Variants in PDAP1 observed in about 807,000 individuals in gnomAD.
The protein encoded by PDAP1 is PDGFA associated protein 1, also known as 28 kDa heat- and acid-stable phosphoprotein.
A neutral mutation model predicts 28.0 loss-of-function variants in PDAP1; 13 were observed. The observed-to-expected ratio is 0.46, with a 90% CI of 0.30 to 0.74. The LOEUF (loss-of-function observed/expected upper bound fraction) is 0.74, where lower values mean the gene tolerates loss of function less well. Among genes scored for constraint, PDAP1 ranks in the 30% least tolerant of loss-of-function variants. The pLI, the probability that PDAP1 is intolerant of heterozygous loss-of-function variation, is 0.07. For synonymous variants in PDAP1, 77 were observed against 85.1 expected (o/e 0.91, Z 0.52); for missense variants, 150 against 230.0 (o/e 0.65, Z 2.25).
At chr7:99,406,255 T>TA (rs1401762540) in intron 1 of PDAP1, among the ~76,000 whole-genome samples, 2 of 151,526 alleles carry the variant, frequency 1.3e-5, no homozygotes, top group African/African-American at 2.4e-5. Context: ...CTCAAAAAAA[T>TA]AAAAAAATCG....
At chr7:99,404,377 A>C (rs1268687040) in intron 2 of PDAP1, among the ~76,000 whole-genome samples, 2 of 152,146 alleles carry the variant, frequency 1.3e-5, no homozygotes, top group Non-Finnish European at 2.9e-5. Flanking sequence ...CTACTAAATC[A>C]GCTCTGGCTG....
Position 99,397,890 on chromosome 7 carries a change from A to T in PDAP1, c.459T>A (p.Ala153=). The T allele has an allele frequency of 1.2e-6, 2 of 1,613,420 alleles. No homozygotes were observed. Among genetic ancestry groups the T allele is most frequent in the African/African-American group, 1.3e-5 (1 of 75,032 alleles). The stretch of plus-strand genomic sequence containing the variant: ...TCCTTTCCTCTTCCTTCTTCCGGGC[A>T]GCCTCCTCCCGCTGTTTCCGGATGA... ...LAIIRKQREE[A]ARKKEEERKA... The change falls in exon 5 of 6, where the codon GCT becomes GCA. Residue 153 remains alanine (A), a synonymous_variant. Transcript: ENST00000350498.
chr7:99,397,772 C>T, intron 5 of PDAP1, 90 bp downstream of exon 5: 1 of 1,502,174 alleles, frequency 6.7e-7, no homozygotes, highest in Non-Finnish European at 9.1e-7. Flanking sequence ...CTCATTGTCA[C>T]CTCGCGGACA....
intron 2 of PDAP1, 71 bp from the exon 3 acceptor site, chr7:99,403,576 C>T: frequency 6.2e-6 from 6 of 962,120 alleles, no homozygotes; most frequent in Non-Finnish European, 1.0e-5. Context: ...ACCCTATCAC[C>T]CCCCAGACTG....
intron 1 of PDAP1, among the ~76,000 whole-genome samples, chr7:99,406,188 G>A (rs1794967372): frequency 6.6e-6 from 1 of 152,210 alleles, no homozygotes; most frequent in South Asian, 2.1e-4. Context: ...GGCAGAGGTT[G>A]CAGTAGCCGA....
rs148175276 is a variant in PDAP1 at position 99,400,389 on chromosome 7, G to A, written c.249C>T (p.Ile83=). 1.5e-4 allele frequency: 242 copies of A among 1,613,978 alleles called. No homozygotes were observed. The highest frequency in any genetic ancestry group is 2.7e-4 in the Admixed American group (16 of 59,996). The change falls in exon 4 of 6, where the codon ATC becomes ATT. Residue 83 remains isoleucine (I), a synonymous_variant. Coordinates refer to ENST00000350498, the MANE Select transcript of PDAP1 (RefSeq NM_014891.7). Reference sequence around the variant, plus strand: ...TCTGTGCCACCCGGTTGGGGTTCTCGATGTCGATGAGCCCTTCAACGCCTT... The same window carrying A: ...TCTGTGCCACCCGGTTGGGGTTCTCAATGTCGATGAGCCCTTCAACGCCTT... The part of the protein sequence containing the change: ...KRKGVEGLID[I]ENPNRVAQTT...
chr7:99,397,960 G>A lies in PDAP1; in HGVS notation c.389C>T (p.Ala130Val). 1.9e-6 allele frequency: 3 copies of A among 1,614,186 alleles called. No homozygotes were observed. The highest frequency in any genetic ancestry group is 2.5e-6 in the Non-Finnish European group (3 of 1,179,990). Residue 130 changes from alanine to valine, a missense_variant, in exon 5 of 6, where the codon GCC becomes GTC. Coordinates refer to ENST00000350498, the MANE Select transcript of PDAP1 (RefSeq NM_014891.7). ...AKERYMKMHL[A>V]GKTEQAKADL... Reference sequence around the variant, plus strand: ...AGCCTTGGCTTGCTCTGTCTTCCCGGCCAAGTGCATTTTCATGTAACGCTC... The same window carrying A: ...AGCCTTGGCTTGCTCTGTCTTCCCGACCAAGTGCATTTTCATGTAACGCTC...
chr7:99,404,340 T>C (rs967620951), intron 2 of PDAP1, among the ~76,000 whole-genome samples: 4 of 151,834 alleles, frequency 2.6e-5, no homozygotes, highest in African/African-American at 7.3e-5. Context: ...GCCTGGACAA[T>C]GTACTATGGG....
chr7:99,406,885 G>A (rs984287736), intron 1 of PDAP1, among the ~76,000 whole-genome samples: 2 of 152,252 alleles, frequency 1.3e-5, no homozygotes, highest in East Asian at 1.9e-4. Context: ...AGGTTCCCAG[G>A]GGTGTCTAAG....
intron 2 of PDAP1, 139 bp from the exon 3 acceptor site, chr7:99,403,644 C>T (rs1426659205): frequency 4.2e-6 from 3 of 714,376 alleles, no homozygotes; most frequent in African/African-American, 3.5e-5. Flanking sequence ...AAGGGTCCTA[C>T]TGTGACCCTG....
rs761238316 is a variant in PDAP1 at position 99,397,885 on chromosome 7, C to T, written c.464G>A (p.Arg155Gln). 1.4e-5 allele frequency: 23 copies of T among 1,613,144 alleles called. No individual in the cohort carries two copies. The highest frequency in any genetic ancestry group is 2.2e-5 in the South Asian group (2 of 91,046). ...IIRKQREEAA[R>Q]KKEEERKAKD... Reference sequence around the variant, plus strand: ...ACCTTTCCTTTCCTCTTCCTTCTTCCGGGCAGCCTCCTCCCGCTGTTTCCG... The same window carrying T: ...ACCTTTCCTTTCCTCTTCCTTCTTCTGGGCAGCCTCCTCCCGCTGTTTCCG... Residue 155 changes from arginine (R) to glutamine (Q), a missense_variant, in exon 5 of 6, where the codon CGG becomes CAG. Coordinates refer to ENST00000350498, the MANE Select transcript of PDAP1 (RefSeq NM_014891.7).
At chr7:99,398,133 C>T in intron 4 of PDAP1, 120 bp from the exon 5 acceptor site, 1 of 1,049,402 alleles carries the variant, frequency 9.5e-7, no homozygotes, top group Non-Finnish European at 1.4e-6. Flanking sequence ...GGTGCCCTGG[C>T]TGTGAGTCCC....
At chr7:99,396,930 C>T (rs1357798939) in intron 5 of PDAP1, among the ~76,000 whole-genome samples, 190 bp from the exon 6 acceptor site, 3 of 152,154 alleles carry the variant, frequency 2.0e-5, no homozygotes, top group African/African-American at 7.2e-5. Flanking sequence ...ATTCCCGACA[C>T]GCTTCAGTGG....
intron 5 of PDAP1, among the ~76,000 whole-genome samples, chr7:99,397,314 C>T (rs1794786936): frequency 6.6e-6 from 1 of 152,134 alleles, no homozygotes; most frequent in African/African-American, 2.4e-5. Context: ...TTGAATGCTC[C>T]TATAAACTGG....
chr7:99,398,778 G>A (rs1316399671), intron 4 of PDAP1, among the ~76,000 whole-genome samples: 1 of 152,180 alleles, frequency 6.6e-6, no homozygotes, highest in Non-Finnish European at 1.5e-5. Context: ...GACCACAGTG[G>A]GAAACAGACA....
chr7:99,400,179 G>A lies in PDAP1; in HGVS notation c.335+124C>T, dbSNP rs1794838430. On this transcript the variant is annotated intron_variant, in intron 4 of 5. Coordinates refer to ENST00000350498, the MANE Select transcript of PDAP1 (RefSeq NM_014891.7). ...TGTGGCTTTTTAAAGGCTACTGGAG[G>A]GCCATTGGGGAATGAGACAGAAATA... 3.0e-6 allele frequency: 3 copies of A among 1,015,822 alleles called. No individual in the cohort carries two copies. The South Asian group carries it at 4.6e-5, about 16-fold the overall frequency. The allele number at this position is 1,015,822 out of a possible 1,614,324, so 62.9% of individuals were successfully genotyped here. A position where few individuals can be genotyped will look rare whatever the true frequency, so the allele number is the denominator to read the frequency against.
rs1794717695 is a variant in PDAP1, at chr7:99,394,890, C to T, written c.*1792G>A. 1 of 1,086,734 alleles carries T rather than the reference C, an allele frequency of 9.2e-7. No homozygotes were observed. Among genetic ancestry groups the T allele is most frequent in the African/African-American group, 1.6e-5 (1 of 61,014 alleles). 67.3% of individuals were successfully genotyped at this position (1,086,734 alleles called of 1,614,324 possible). A position where few individuals can be genotyped will look rare whatever the true frequency, so the allele number is the denominator to read the frequency against. ...CTAAGTTTTCCAGGCTGCACTAGAA[C>T]TCGTGGGAGCAATCCTTCTGCCTCA... On this transcript the variant is annotated 3_prime_UTR_variant, in exon 6 of 6. Transcript: ENST00000350498.
intron 1 of PDAP1, among the ~76,000 whole-genome samples, chr7:99,406,243 G>A (rs542746323): frequency 7.9e-5 from 12 of 152,120 alleles, no homozygotes; most frequent in East Asian, 1.9e-4. Flanking sequence ...GCGAGACTCC[G>A]TCTCAAAAAA....
At position 99,397,884 on chromosome 7, in the gene PDAP1, C is replaced by T; in HGVS notation, c.465G>A (p.Arg155=). The change falls in exon 5 of 6, where the codon CGG becomes CGA. Residue 155 remains arginine, a synonymous_variant. Transcript: ENST00000350498. ...IIRKQREEAA[R]KKEEERKAKD... ...TACCTTTCCTTTCCTCTTCCTTCTT[C>T]CGGGCAGCCTCCTCCCGCTGTTTCC... 1 of 1,613,242 alleles carries T rather than the reference C, an allele frequency of 6.2e-7. No individual in the cohort carries two copies. Among genetic ancestry groups the T allele is most frequent in the African/African-American group, 1.3e-5 (1 of 75,054 alleles).
Sources: allele counts gnomAD v4.1 joint callset (sites outside exome capture counted in the v4.1 genomes callset), GRCh38; gene constraint gnomAD v4.1.1; transcripts MANE v1.5; gene names NCBI Gene and HGNC (gene_info 2026-07-23, HGNC 2026-07-21).